PCSK6: variants seen among roughly 807,000 people sequenced by gnomAD.
The protein encoded by PCSK6 is paired basic amino acid cleaving enzyme 4.
A neutral mutation model predicts 123.3 loss-of-function variants in PCSK6; 85 were observed. The observed-to-expected ratio is 0.69, with a 90% confidence interval of 0.58 to 0.83. The LOEUF is 0.83. Among genes scored for constraint, PCSK6 ranks in the 40% least tolerant of loss-of-function variants. PCSK6 has a pLI of 0.00. For missense variants in PCSK6, 1,191 were observed against 1,282.3 expected (o/e 0.93, Z 1.09); for synonymous variants, 508 against 516.0 (o/e 0.98, Z 0.21).
intron 13 of PCSK6, among the ~76,000 whole-genome samples, chr15:101,349,758 C>G (rs901767511): frequency 6.6e-6 from 1 of 152,156 alleles, no homozygotes; most frequent in Non-Finnish European, 1.5e-5. Flanking sequence ...GGCTCCTCTG[C>G]CCCTGCATTC....
chr15:101,481,037 C>A (rs1308104025), intron 1 of PCSK6, among the ~76,000 whole-genome samples: 1 of 152,218 alleles, frequency 6.6e-6, no homozygotes, highest in Non-Finnish European at 1.5e-5. Context: ...TGAGAGCACA[C>A]AGCAATACTC....
At chr15:101,465,332 T>C (rs2057432735) in intron 1 of PCSK6, among the ~76,000 whole-genome samples, 1 of 152,100 alleles carries the variant, frequency 6.6e-6, no homozygotes, top group Admixed American at 6.5e-5. Context: ...ACAGCCCTGA[T>C]GTGCTACTGA....
rs1181516560 is a variant in PCSK6 at position 101,304,918 on chromosome 15, C to A, written c.*340G>T. The A allele has an allele frequency of 1.7e-5, 4 of 234,498 alleles. No individual in the cohort carries two copies. Among genetic ancestry groups the A allele is most frequent in the Non-Finnish European group, 2.5e-5 (3 of 119,214 alleles). The allele number at this position is 234,498 out of a possible 1,614,324, so 14.5% of individuals were successfully genotyped here. ...GAAGAGTGATGTGTGATGCCAAGCGCCTTTCTTTTCTGCTTTGGTCTTGAA... is the reference window on the plus strand; with the variant it reads ...GAAGAGTGATGTGTGATGCCAAGCGACTTTCTTTTCTGCTTTGGTCTTGAA... On this transcript the variant is annotated 3_prime_UTR_variant, in exon 22 of 22. Coordinates refer to ENST00000611716, the MANE Select transcript of PCSK6 (RefSeq NM_002570.5).
At chr15:101,323,951 T>C (rs941235159) in intron 17 of PCSK6, among the ~76,000 whole-genome samples, 14 of 152,112 alleles carry the variant, frequency 9.2e-5, no homozygotes, top group African/African-American at 2.7e-4. Flanking sequence ...TTGAGAACTA[T>C]CCCCTGTCAA....
At position 101,331,834 on chromosome 15, in the gene PCSK6, T is replaced by C. The variant is rs779349864; in HGVS notation, c.2038+18A>G. On this transcript the variant is annotated intron_variant, in intron 14 of 21. Transcript: ENST00000611716. ...GCTCGTGGAAGCTGGCCGTCTCCTC[T>C]TACTTCAGGCTCATTACCTGTGTAA... The C allele has an allele frequency of 3.1e-6, 5 of 1,611,430 alleles. No individual in the cohort carries two copies. The Admixed American group carries it at 6.7e-5, about 22-fold the overall frequency.
chr15:101,432,159 C>T lies in PCSK6; in HGVS notation c.403-59G>A, dbSNP rs1303489259. The stretch of plus-strand genomic sequence containing the variant: ...GAAATGATTTCTTGATTTTATGTAG[C>T]CTCTTTGCAGGTGCTACAGCCTTCC... On this transcript the variant is annotated intron_variant, in intron 2 of 21. Transcript: ENST00000611716. The T allele has an allele frequency of 2.8e-6, 4 of 1,419,844 alleles. No individual in the cohort carries two copies. In the African/African-American group the frequency reaches 5.7e-5, roughly 20 times the overall value. The allele number at this position is 1,419,844 out of a possible 1,614,324, so 88.0% of individuals were successfully genotyped here.
intron 15 of PCSK6, among the ~76,000 whole-genome samples, chr15:101,329,837 C>T (rs543739657): frequency 6.6e-6 from 1 of 152,348 alleles, no homozygotes; most frequent in African/African-American, 2.4e-5. Flanking sequence ...CCCAGCCACT[C>T]TCTTGCAGGA....
At chr15:101,437,141 T>G (rs1219536694) in intron 2 of PCSK6, among the ~76,000 whole-genome samples, 1 of 152,156 alleles carries the variant, frequency 6.6e-6, no homozygotes, top group African/African-American at 2.4e-5. Context: ...TTCCCCCAAA[T>G]GGCTAAGAAC....
At chr15:101,437,901 C>T (rs1198807923) in intron 2 of PCSK6, among the ~76,000 whole-genome samples, 2 of 152,068 alleles carry the variant, frequency 1.3e-5, no homozygotes, top group East Asian at 1.9e-4. Flanking sequence ...TAGCTCAGAA[C>T]GTGACTGTAA....
intron 8 of PCSK6, among the ~76,000 whole-genome samples, chr15:101,392,166 C>T (rs760905973): frequency 1.3e-5 from 2 of 152,198 alleles, no homozygotes; most frequent in Non-Finnish European, 2.9e-5. Context: ...CTAATAAGAC[C>T]CTAGCAGGTC....
intron 7 of PCSK6, among the ~76,000 whole-genome samples, chr15:101,395,845 G>A (rs1311807348): frequency 6.6e-6 from 1 of 152,172 alleles, no homozygotes; most frequent in African/African-American, 2.4e-5. Context: ...CCACAGCAAT[G>A]TCTAATGGTC....
chr15:101,404,051 T>A (rs926085774), intron 6 of PCSK6, among the ~76,000 whole-genome samples: 2 of 152,252 alleles, frequency 1.3e-5, no homozygotes, highest in African/African-American at 4.8e-5. Flanking sequence ...TAATTTTGCT[T>A]GTACTGAGAA....
At chr15:101,366,113 A>G in intron 13 of PCSK6, 83 bp downstream of exon 13, 1 of 1,357,522 alleles carries the variant, frequency 7.4e-7, no homozygotes. Flanking sequence ...GAATTATCAG[A>G]GACTCCGTAG....
chr15:101,377,203 TAGGCACTGGCAC>T (rs1259349189), intron 11 of PCSK6, among the ~76,000 whole-genome samples: 12 of 13,176 alleles, frequency 9.1e-4, no homozygotes, highest in African/African-American at 1.1e-3. Flanking sequence ...GCTGTGCTCT[TAGGCACTGGCAC>T]CTGGCCAAGG....
At chr15:101,341,991 G>T (rs569298221) in intron 13 of PCSK6, among the ~76,000 whole-genome samples, 1 of 151,942 alleles carries the variant, frequency 6.6e-6, no homozygotes, top group Non-Finnish European at 1.5e-5. Flanking sequence ...TTAGCCGGGC[G>T]CGGTGGTGCA....
chr15:101,365,457 C>T (rs1240239032), intron 13 of PCSK6, among the ~76,000 whole-genome samples: 3 of 152,020 alleles, frequency 2.0e-5, no homozygotes, highest in South Asian at 2.1e-4. Context: ...TATTGCTGGC[C>T]GGAATGTAAA....
chr15:101,456,629 C>T (rs373729060), intron 1 of PCSK6, among the ~76,000 whole-genome samples: 6 of 152,308 alleles, frequency 3.9e-5, no homozygotes, highest in East Asian at 3.9e-4. Context: ...GCCTACCGGG[C>T]TCTCAGAGGG....
intron 1 of PCSK6, among the ~76,000 whole-genome samples, chr15:101,445,688 T>A (rs116269367): frequency 0.028 from 4,289 of 152,300 alleles, 97 homozygotes; most frequent in South Asian, 0.085. Context: ...TGTTTGCTCA[T>A]AAGCTGCCAT....
At chr15:101,342,831 G>A (rs1394960521) in intron 13 of PCSK6, among the ~76,000 whole-genome samples, 3 of 152,292 alleles carry the variant, frequency 2.0e-5, no homozygotes, top group Admixed American at 2.0e-4. Flanking sequence ...GAATCTGGGA[G>A]GCAGAAGTTA....
Sources: allele counts gnomAD v4.1 joint callset (sites outside exome capture counted in the v4.1 genomes callset), GRCh38; gene constraint gnomAD v4.1.1; transcripts MANE v1.5; gene names NCBI Gene and HGNC (gene_info 2026-07-23, HGNC 2026-07-21).